Variants in TCF7L2 observed in about 807,000 individuals in gnomAD.
TCF7L2 encodes transcription factor 7 like 2, also known as transcription factor 7-like 2.
In TCF7L2, 23 loss-of-function variants were observed where a neutral mutation model predicts 77.9. That is an observed-to-expected ratio of 0.30 (90% confidence interval 0.21 to 0.42). The LOEUF (loss-of-function observed/expected upper bound fraction) is 0.42. TCF7L2 is among the 10% of genes least tolerant of loss of function. TCF7L2 has a pLI of 1.00. For missense variants in TCF7L2, 654 were observed against 793.1 expected (o/e 0.82, Z 2.11); for synonymous variants, 413 against 340.2 (o/e 1.21, Z -2.36).
chr10:112,958,823 C>T (rs1028665357), intron 3 of TCF7L2, among the ~76,000 whole-genome samples: 1 of 151,842 alleles, frequency 6.6e-6, no homozygotes, highest in Non-Finnish European at 1.5e-5. Context: ...AATGGCATAC[C>T]CAGGGAAGGA....
At chr10:113,110,344 G>C in intron 5 of TCF7L2, among the ~76,000 whole-genome samples, 1 of 140,146 alleles carries the variant, frequency 7.1e-6, no homozygotes, top group South Asian at 2.4e-4. Flanking sequence ...CATTTTCTTT[G>C]AAATGTTTGA....
Position 113,044,676 on chromosome 10 carries a change from A to G in TCF7L2, c.552+4550A>G, listed in dbSNP as rs142294340. Among the ~76,000 whole-genome samples, 1,004 of 152,336 alleles carry G rather than the reference A, an allele frequency of 6.6e-3. 15 individuals are homozygous for G. The highest frequency in any genetic ancestry group is 0.023 in the African/African-American group (967 of 41,582). The stretch of plus-strand genomic sequence containing the variant: ...CTGGGCGGCTCCCTGAGGAAATTGC[A>G]TTAAAAATGAGATCTGAAGGCTTGA... On this transcript the variant is annotated intron_variant, in intron 5 of 13. Transcript: ENST00000627217.
Position 113,143,938 on chromosome 10 carries a change from C to T in TCF7L2, c.701C>T (p.Pro234Leu), listed in dbSNP as rs1465566182. 6 of 1,613,708 alleles carry T rather than the reference C, an allele frequency of 3.7e-6. No homozygotes were observed. Among genetic ancestry groups the T allele is most frequent in the African/African-American group, 1.3e-5 (1 of 74,876 alleles). The change falls in exon 7 of 14, where the codon CCG (proline) becomes CTG (leucine). Residue 234 changes from proline to leucine, a missense_variant. Transcript: ENST00000627217. ...CTTCCCTCAGGAATCCCACGGCCTC[C>T]GCACCCTCCAGATATATCCCCGTAT... is the stretch of plus-strand genomic sequence containing the variant.
chr10:113,048,623 A>G (rs559408069), intron 5 of TCF7L2, among the ~76,000 whole-genome samples: 33 of 152,350 alleles, frequency 2.2e-4, no homozygotes, highest in South Asian at 1.4e-3. Flanking sequence ...ATGGTTTGCC[A>G]GTAACTTGCT....
At chr10:113,051,577 T>C (rs1262523693) in intron 5 of TCF7L2, among the ~76,000 whole-genome samples, 2 of 152,222 alleles carry the variant, frequency 1.3e-5, no homozygotes, top group African/African-American at 2.4e-5. Flanking sequence ...AGAGCACGCA[T>C]GCTTTCTTTA....
chr10:113,105,020 G>A (rs892890456), intron 5 of TCF7L2, among the ~76,000 whole-genome samples: 1 of 152,208 alleles, frequency 6.6e-6, no homozygotes, highest in African/African-American at 2.4e-5. Context: ...CTGTTGCAAA[G>A]GCCATTAACT....
intron 5 of TCF7L2, among the ~76,000 whole-genome samples, chr10:113,074,350 G>C (rs1015167605): frequency 6.6e-6 from 1 of 152,130 alleles, no homozygotes; most frequent in South Asian, 2.1e-4. Context: ...GAGTTTTCTT[G>C]AGTGACTGGG....
At chr10:113,000,811 C>T (rs2044328285) in intron 4 of TCF7L2, among the ~76,000 whole-genome samples, 2 of 152,196 alleles carry the variant, frequency 1.3e-5, no homozygotes, top group Admixed American at 1.3e-4. Context: ...ATTTACTGCA[C>T]TATTCCAGTC....
chr10:113,038,662 T>C (rs1305609227), intron 4 of TCF7L2, among the ~76,000 whole-genome samples: 1 of 152,190 alleles, frequency 6.6e-6, no homozygotes, highest in Admixed American at 6.5e-5. Context: ...GACCTAACTC[T>C]GTGCAGCCTT....
intron 8 of TCF7L2, 124 bp from the exon 9 acceptor site, chr10:113,150,874 G>A (rs2070614536): frequency 2.3e-6 from 3 of 1,292,970 alleles, no homozygotes; most frequent in Non-Finnish European, 3.2e-6. Context: ...GGTTTCATAT[G>A]CCTTGGGTTG....
In TCF7L2 at chr10:113,165,965, T is replaced by C. The variant is rs746031799; in HGVS notation, c.1802T>C (p.Leu601Ser). The C allele has an allele frequency of 6.6e-6, 10 of 1,521,638 alleles. No individual in the cohort carries two copies. In the South Asian group the frequency reaches 1.3e-4, roughly 20 times the overall value. The allele number at this position is 1,521,638 out of a possible 1,614,324, so 94.3% of individuals were successfully genotyped here. A position where few individuals can be genotyped will look rare whatever the true frequency, so the allele number is the denominator to read the frequency against. ...CCGCTGTCGCTCGTCACCAAGTCTT[T>C]AGAATAGCTTTAGCGTCGTGAACCC... The change falls in exon 14 of 14, where the codon TTA (leucine) becomes TCA (serine). Residue 601 changes from leucine to serine, a missense_variant. Transcript: ENST00000627217.
chr10:113,156,115 CTTTT>C (rs35516476), intron 11 of TCF7L2, among the ~76,000 whole-genome samples: 3 of 120,746 alleles, frequency 2.5e-5, no homozygotes, highest in Non-Finnish European at 1.8e-5. Context: ...TTCTTTCTTT[CTTTT>C]TTTTTTTTTT....
rs574538168 is a variant in TCF7L2 at position 113,056,269 on chromosome 10, A to C, written c.552+16143A>C. Among the ~76,000 whole-genome samples the C allele has an allele frequency of 3.3e-5, 5 of 152,358 alleles. No individual in the cohort carries two copies. In the South Asian group the frequency reaches 1.0e-3, roughly 32 times the overall value. ...CAAGATTCAAATCCAGACCTTTCTG[A>C]CCACAAAGCTCGTTGCTGAATACCG... On this transcript the variant is annotated intron_variant, in intron 5 of 13. Coordinates refer to ENST00000627217, the MANE Select transcript of TCF7L2 (RefSeq NM_001146274.2).
At chr10:113,100,190 CACTA>C (rs1457333172) in intron 5 of TCF7L2, among the ~76,000 whole-genome samples, 1 of 152,192 alleles carries the variant, frequency 6.6e-6, no homozygotes, top group Non-Finnish European at 1.5e-5. Context: ...AACAACCACA[CACTA>C]TAAACAAAGC....
At chr10:113,115,382 T>C (rs1230851059) in intron 5 of TCF7L2, among the ~76,000 whole-genome samples, 3 of 152,210 alleles carry the variant, frequency 2.0e-5, no homozygotes, top group Non-Finnish European at 2.9e-5. Flanking sequence ...ATCCTTGAGG[T>C]AAAATGAGTT....
At chr10:113,150,687 C>T (rs774703468) in intron 8 of TCF7L2, among the ~76,000 whole-genome samples, 11 of 152,296 alleles carry the variant, frequency 7.2e-5, no homozygotes, top group East Asian at 3.9e-4. Flanking sequence ...AACAAGTGGA[C>T]GTGCGATTTC....
At chr10:112,975,834 T>A (rs1351403035) in intron 4 of TCF7L2, among the ~76,000 whole-genome samples, 1 of 152,208 alleles carries the variant, frequency 6.6e-6, no homozygotes, top group African/African-American at 2.4e-5. Flanking sequence ...TTGATGCCAC[T>A]GGCACCCAAC....
chr10:113,150,462 A>G (rs2814568), intron 8 of TCF7L2, among the ~76,000 whole-genome samples: 7 of 152,192 alleles, frequency 4.6e-5, no homozygotes, highest in South Asian at 2.1e-4. Flanking sequence ...ATGATGGGAC[A>G]CAGCACAAAA....
At position 113,151,391 on chromosome 10, in the gene TCF7L2, CT is replaced by C. The variant is rs200608333; in HGVS notation, c.1001+269del. Among the ~76,000 whole-genome samples the C allele has an allele frequency of 5.8e-3, 878 of 152,222 alleles. 9 individuals carry two copies. Among genetic ancestry groups the C allele is most frequent in the Middle Eastern group, 0.014 (4 of 294 alleles). ...GGATTTGCAACCACTTCCCTGCCCC[CT>C]AACCGCATCATTGAACATTTAGAGC... On this transcript the variant is annotated intron_variant, in intron 9 of 13. Coordinates refer to ENST00000627217, the MANE Select transcript of TCF7L2 (RefSeq NM_001146274.2). This position sits in a 1 kb window ranked among gnomAD's most constrained non-coding sequence, Gnocchi z 5.2.
Sources: allele counts gnomAD v4.1 joint callset (sites outside exome capture counted in the v4.1 genomes callset), GRCh38; gene constraint gnomAD v4.1.1; non-coding constraint Gnocchi (gnomAD v3.1); transcripts MANE v1.5; gene names NCBI Gene and HGNC (gene_info 2026-07-23, HGNC 2026-07-21).